NRG3: variants seen among roughly 807,000 people sequenced by gnomAD.
NRG3 encodes the protein pro-neuregulin-3, membrane-bound isoform.
A neutral mutation model predicts 66.9 loss-of-function variants in NRG3; 31 were observed. The observed-to-expected ratio is 0.46, with a 90% CI of 0.35 to 0.63. The LOEUF is 0.63. Ranked by LOEUF, NRG3 falls within the 20% of genes least tolerant of loss-of-function variation. The probability of loss-of-function intolerance (pLI) is 0.00; values close to 1 mark genes in which losing one functional copy is unlikely to be tolerated. For synonymous variants in NRG3, 393 were observed against 359.4 expected (o/e 1.09, Z -1.06); for missense variants, 910 against 878.9 (o/e 1.04, Z -0.45).
intron 1 of NRG3, among the ~76,000 whole-genome samples, chr10:82,239,552 T>C (rs1027006882): frequency 2.0e-5 from 3 of 152,228 alleles, no homozygotes; most frequent in Non-Finnish European, 2.9e-5. Context: ...TTGTTTTAAT[T>C]TATCTGATTA....
At chr10:82,530,081 G>A (rs912114798) in intron 2 of NRG3, among the ~76,000 whole-genome samples, 3 of 152,244 alleles carry the variant, frequency 2.0e-5, no homozygotes, top group East Asian at 1.9e-4. Flanking sequence ...TCATTCCAAC[G>A]TAGGTAATGC....
At chr10:82,546,664 T>C (rs1258555518) in intron 2 of NRG3, among the ~76,000 whole-genome samples, 1 of 152,178 alleles carries the variant, frequency 6.6e-6, no homozygotes, top group African/African-American at 2.4e-5. Context: ...CCTAGGGTAC[T>C]AAATACTTAT....
chr10:82,873,227 A>G (rs1215153785), intron 4 of NRG3, among the ~76,000 whole-genome samples: 1 of 152,210 alleles, frequency 6.6e-6, no homozygotes, highest in Non-Finnish European at 1.5e-5. Flanking sequence ...TAATTAGAGC[A>G]GAAATTTGGA....
At position 82,331,976 on chromosome 10, in the gene NRG3, T is replaced by TA. The variant is rs551553718; in HGVS notation, c.824-26763_824-26762insA. On this transcript the variant is annotated intron_variant, in intron 1 of 8. Coordinates refer to ENST00000372141, the MANE Select transcript of NRG3 (RefSeq NM_001010848.4). The stretch of plus-strand genomic sequence containing the variant: ...CTCTGCTCTGCTGGCAGTGATCCAG[T>TA]GACTACCTAACAGAGAGAAGTGGAT... Among the ~76,000 whole-genome samples, 3 of 152,306 alleles carry TA rather than the reference T, an allele frequency of 2.0e-5. No individual in the cohort carries two copies. The East Asian group carries it at 5.8e-4, about 29-fold the overall frequency.
chr10:82,962,984 G>T (rs1850818519), intron 6 of NRG3, among the ~76,000 whole-genome samples: 1 of 152,182 alleles, frequency 6.6e-6, no homozygotes, highest in Non-Finnish European at 1.5e-5. Context: ...GTACTGCAGG[G>T]ATAGCTTAGA....
intron 2 of NRG3, among the ~76,000 whole-genome samples, chr10:82,557,718 A>T (rs613894): frequency 0.36 from 55,005 of 152,000 alleles, 10,564 homozygotes; most frequent in African/African-American, 0.49. Context: ...AATAACAGTT[A>T]ACCCTGACAT....
At chr10:82,448,207 A>G (rs2090838726) in intron 2 of NRG3, among the ~76,000 whole-genome samples, 1 of 152,208 alleles carries the variant, frequency 6.6e-6, no homozygotes. Context: ...TACTAGGGAA[A>G]TGTATAATGT....
intron 2 of NRG3, among the ~76,000 whole-genome samples, chr10:82,597,662 C>T (rs1349855178): frequency 6.6e-6 from 1 of 152,150 alleles, no homozygotes; most frequent in African/African-American, 2.4e-5. Context: ...GTTGCTCATG[C>T]CTGTAATCCC....
At chr10:82,007,819 C>A (rs561771444) in intron 1 of NRG3, among the ~76,000 whole-genome samples, 9 of 152,220 alleles carry the variant, frequency 5.9e-5, no homozygotes, top group South Asian at 4.1e-4. Flanking sequence ...ACAACTTTTT[C>A]ACCTGTTATC....
At chr10:82,366,195 A>C (rs536107312) in intron 2 of NRG3, among the ~76,000 whole-genome samples, 1 of 152,232 alleles carries the variant, frequency 6.6e-6, no homozygotes, top group Non-Finnish European at 1.5e-5. Flanking sequence ...CAATGAAAGA[A>C]TTGAAAGCAA....
intron 2 of NRG3, among the ~76,000 whole-genome samples, chr10:82,364,508 A>T (rs547746824): frequency 1.3e-5 from 2 of 152,178 alleles, no homozygotes; most frequent in Admixed American, 1.3e-4. Flanking sequence ...TAGAAATTTT[A>T]AAAATGTTGG....
chr10:82,422,920 G>T (rs2089184820), intron 2 of NRG3, among the ~76,000 whole-genome samples: 1 of 151,884 alleles, frequency 6.6e-6, no homozygotes, highest in Admixed American at 6.6e-5. Flanking sequence ...AATGATATAT[G>T]AGTTTTTAGT....
At chr10:82,214,945 C>G (rs980357294) in intron 1 of NRG3, among the ~76,000 whole-genome samples, 5 of 152,164 alleles carry the variant, frequency 3.3e-5, no homozygotes, top group African/African-American at 1.2e-4. Context: ...ATCCATCTTA[C>G]TAAAGTTTGT....
At chr10:82,333,451 A>C (rs2082239021) in intron 1 of NRG3, among the ~76,000 whole-genome samples, 1 of 152,216 alleles carries the variant, frequency 6.6e-6, no homozygotes, top group Non-Finnish European at 1.5e-5. Flanking sequence ...CAGAGATTAA[A>C]GAGTTACTGC....
chr10:82,096,286 C>T (rs1052167538), intron 1 of NRG3, among the ~76,000 whole-genome samples: 9 of 151,996 alleles, frequency 5.9e-5, no homozygotes, highest in Admixed American at 3.9e-4. Flanking sequence ...ACCATCTGCG[C>T]CAACATGGTG....
rs529521142 is a variant in NRG3, at chr10:82,785,076, T to C, written c.1027+46426T>C. On this transcript the variant is annotated intron_variant, in intron 3 of 8. Transcript: ENST00000372141. ...GTAGAGACATGGATGAAATTGGAAA[T>C]CATCATTCTCGGTAAACTATCGCAA... Among the ~76,000 whole-genome samples, 18 of 151,930 alleles carry C rather than the reference T, an allele frequency of 1.2e-4. No homozygotes were observed. The East Asian group carries it at 1.4e-3, about 11-fold the overall frequency.
intron 2 of NRG3, among the ~76,000 whole-genome samples, chr10:82,730,735 C>A (rs1023642056): frequency 9.9e-5 from 15 of 152,144 alleles, no homozygotes; most frequent in Middle Eastern, 3.4e-3. Flanking sequence ...GCAAAAGAAA[C>A]CTTATTCTTT....
chr10:82,483,445 CT>C (rs1842444128), intron 2 of NRG3, among the ~76,000 whole-genome samples: 1 of 152,122 alleles, frequency 6.6e-6, no homozygotes, highest in Non-Finnish European at 1.5e-5. Flanking sequence ...AATAATCTGG[CT>C]TTCAAATGGT....
chr10:81,950,055 G>A (rs76340606), intron 1 of NRG3, among the ~76,000 whole-genome samples: 1,671 of 152,284 alleles, frequency 0.011, 13 homozygotes, highest in Non-Finnish European at 0.017. Flanking sequence ...CTCTTGAGGC[G>A]TATATGATTT....
Sources: allele counts gnomAD v4.1 joint callset (sites outside exome capture counted in the v4.1 genomes callset), GRCh38; gene constraint gnomAD v4.1.1; transcripts MANE v1.5; gene names NCBI Gene and HGNC (gene_info 2026-07-23, HGNC 2026-07-21).